The following NPFFR2 variants were observed in gnomAD, a reference collection of about 807,000 sequenced individuals.
NPFFR2 encodes the protein G-protein coupled receptor 74.
In NPFFR2, 15 loss-of-function variants were observed where a neutral mutation model predicts 13.1. The observed-to-expected ratio is 1.15, with a 90% CI of 0.77 to 1.76. The LOEUF (loss-of-function observed/expected upper bound fraction) is 1.76, where lower values mean the gene tolerates loss of function less well. Among genes scored for constraint, NPFFR2 ranks in the 40% most tolerant of loss-of-function variants. The probability of loss-of-function intolerance (pLI) is 0.00; values close to 1 mark genes in which losing one functional copy is unlikely to be tolerated. For missense variants in NPFFR2, 572 were observed against 503.5 expected (o/e 1.14, Z -1.30); for synonymous variants, 190 against 175.7 (o/e 1.08, Z -0.65).
chr4:72,077,093 A>G (rs1720469409), intron 1 of NPFFR2, among the ~76,000 whole-genome samples: 1 of 152,162 alleles, frequency 6.6e-6, no homozygotes, highest in African/African-American at 2.4e-5. Flanking sequence ...ATAGGATAAA[A>G]TAGTCTTTAA....
At chr4:72,044,683 A>G (rs571076467) in intron 1 of NPFFR2, among the ~76,000 whole-genome samples, 25 of 151,828 alleles carry the variant, frequency 1.6e-4, no homozygotes, top group Non-Finnish European at 3.4e-4. Context: ...GCCATTGGCC[A>G]TGTTTATGTC....
chr4:72,076,820 G>T (rs1421089354), intron 1 of NPFFR2, among the ~76,000 whole-genome samples: 5 of 152,056 alleles, frequency 3.3e-5, no homozygotes, highest in Admixed American at 6.6e-5. Flanking sequence ...CACTCCTTTG[G>T]TGCTGCACTT....
intron 2 of NPFFR2, among the ~76,000 whole-genome samples, chr4:72,132,196 T>C (rs1355732589): frequency 2.0e-5 from 3 of 151,796 alleles, no homozygotes; most frequent in Non-Finnish European, 2.9e-5. Flanking sequence ...CCAGTACGTG[T>C]CGTTCCCCTC....
intron 1 of NPFFR2, among the ~76,000 whole-genome samples, chr4:72,047,255 A>G (rs1427387168): frequency 1.3e-5 from 2 of 152,150 alleles, no homozygotes; most frequent in Non-Finnish European, 2.9e-5. Context: ...ATTAATATGG[A>G]TAAAAGCCAG....
intron 1 of NPFFR2, among the ~76,000 whole-genome samples, chr4:72,107,843 T>C (rs755861769): frequency 2.0e-5 from 3 of 152,056 alleles, no homozygotes; most frequent in Non-Finnish European, 4.4e-5. Flanking sequence ...AAAAGAATTG[T>C]ATGAAATAGA....
intron 1 of NPFFR2, among the ~76,000 whole-genome samples, chr4:72,099,259 T>A (rs1317975155): frequency 6.6e-6 from 1 of 152,158 alleles, no homozygotes; most frequent in Non-Finnish European, 1.5e-5. Context: ...ATTGTGTTAA[T>A]GTCTGTTGAG....
chr4:72,117,471 C>A (rs11737827), intron 1 of NPFFR2, among the ~76,000 whole-genome samples: 39,496 of 152,014 alleles, frequency 0.26, 6,274 homozygotes, highest in Admixed American at 0.34. Context: ...CTTCAAGCAG[C>A]AACCATAACA....
At chr4:72,048,046 A>G (rs764758744) in intron 1 of NPFFR2, among the ~76,000 whole-genome samples, 52 of 152,122 alleles carry the variant, frequency 3.4e-4, no homozygotes, top group Admixed American at 8.5e-4. Flanking sequence ...ATATCATATT[A>G]TGTGTGTATG....
At chr4:72,103,113 A>T (rs542658136) in intron 1 of NPFFR2, among the ~76,000 whole-genome samples, 118 of 152,146 alleles carry the variant, frequency 7.8e-4, no homozygotes, top group Non-Finnish European at 1.4e-3. Flanking sequence ...TGCATTTTGA[A>T]TGAGGAAATA....
intron 1 of NPFFR2, among the ~76,000 whole-genome samples, chr4:72,073,617 TTA>T (rs1306881424): frequency 6.6e-6 from 1 of 152,048 alleles, no homozygotes; most frequent in Non-Finnish European, 1.5e-5. Flanking sequence ...TATTATAACT[TTA>T]GTTTGTAAAT....
chr4:72,106,008 G>A (rs1449692056), intron 1 of NPFFR2, among the ~76,000 whole-genome samples: 2 of 151,996 alleles, frequency 1.3e-5, no homozygotes, highest in East Asian at 3.9e-4. Flanking sequence ...GGAACACTTA[G>A]CCTGTGAAGA....
intron 1 of NPFFR2, among the ~76,000 whole-genome samples, chr4:72,109,210 C>G (rs1357990499): frequency 6.6e-6 from 1 of 151,994 alleles, no homozygotes; most frequent in Non-Finnish European, 1.5e-5. Context: ...GCACCCAGAT[C>G]TGAGAGAGAT....
rs549856355 is a variant in NPFFR2, at chr4:72,138,368, C to T, written c.428+229C>T. 1.8e-3 allele frequency among the ~76,000 whole-genome samples: 275 copies of T among 152,194 alleles called. 1 individual carries two copies. Among genetic ancestry groups the T allele is most frequent in the African/African-American group, 6.4e-3 (264 of 41,520 alleles). ...TGTTGGTGTGCTGCACCCATCAACT[C>T]GTCATTTACATTAGGTATTTCTCCT... is the stretch of plus-strand genomic sequence containing the variant. On this transcript the variant is annotated intron_variant, in intron 3 of 3. Coordinates refer to ENST00000308744, the MANE Select transcript of NPFFR2 (RefSeq NM_004885.3).
intron 1 of NPFFR2, among the ~76,000 whole-genome samples, chr4:72,061,506 G>A (rs1021965207): frequency 6.6e-6 from 1 of 152,064 alleles, no homozygotes; most frequent in African/African-American, 2.4e-5. Context: ...ACCTTGGCAG[G>A]GTGCCCAATT....
chr4:72,102,649 G>A (rs1721289119), intron 1 of NPFFR2, among the ~76,000 whole-genome samples: 1 of 151,134 alleles, frequency 6.6e-6, no homozygotes, highest in East Asian at 2.0e-4. Context: ...CCTTGCGATA[G>A]TTTGCTGAGA....
chr4:72,123,901 A>C (rs1332230721), intron 1 of NPFFR2, among the ~76,000 whole-genome samples: 1 of 152,216 alleles, frequency 6.6e-6, no homozygotes, highest in Non-Finnish European at 1.5e-5. Context: ...ATAGTGTTGG[A>C]AGTTCTGGCC....
At chr4:72,070,509 G>A (rs1409553516) in intron 1 of NPFFR2, among the ~76,000 whole-genome samples, 1 of 148,720 alleles carries the variant, frequency 6.7e-6, no homozygotes, top group Admixed American at 6.8e-5. Flanking sequence ...AGTTGGACAG[G>A]CAGTTGCTGG....
At chr4:72,043,350 G>A (rs1719284018) in intron 1 of NPFFR2, among the ~76,000 whole-genome samples, 1 of 152,202 alleles carries the variant, frequency 6.6e-6, no homozygotes, top group Non-Finnish European at 1.5e-5. Context: ...TGCCTAGTAG[G>A]CCTGTGAGAA....
chr4:72,121,082 G>A (rs949337107), intron 1 of NPFFR2, among the ~76,000 whole-genome samples: 59 of 152,026 alleles, frequency 3.9e-4, no homozygotes, highest in African/African-American at 1.2e-3. Context: ...GAAAAACACA[G>A]CACGAGAACT....
Sources: allele counts gnomAD v4.1 joint callset (sites outside exome capture counted in the v4.1 genomes callset), GRCh38; gene constraint gnomAD v4.1.1; transcripts MANE v1.5; gene names NCBI Gene and HGNC (gene_info 2026-07-23, HGNC 2026-07-21).